The following TFIP11 variants were observed in gnomAD, a reference collection of about 807,000 sequenced individuals.
The protein encoded by TFIP11 is tuftelin interacting protein 11.
In TFIP11, 86 loss-of-function variants were observed where a neutral mutation model predicts 96.8. The ratio of observed to expected loss-of-function variants is 0.89; its 90% CI spans 0.75 to 1.06. The LOEUF (loss-of-function observed/expected upper bound fraction) is 1.06, where lower values mean the gene tolerates loss of function less well. Among genes scored for constraint, TFIP11 ranks in the 50% least tolerant of loss-of-function variants. The pLI is 0.00. For missense variants in TFIP11, 881 were observed against 1,076.7 expected, an observed-to-expected ratio of 0.82 and a Z score of 2.54; for synonymous variants, 405 against 395.2, an observed-to-expected ratio of 1.02 and a Z score of -0.29.
In TFIP11 at chr22:26,510,136, T is replaced by C. The variant is rs1203991410; in HGVS notation, c.137A>G (p.Lys46Arg). 1.2e-6 allele frequency: 2 copies of C among 1,614,198 alleles called. No homozygotes were observed. The highest frequency in any genetic ancestry group is 2.2e-5 in the South Asian group (2 of 91,078). Residue 46 changes from lysine (K) to arginine (R), a missense_variant, in exon 4 of 15, where the codon AAG becomes AGG. Transcript: ENST00000407690. The stretch of plus-strand genomic sequence containing the variant: ...CCACACCCCGTAGGTGGCTTCTTCC[T>C]TGGTCTGCCAGTGGCGCTGTCGGTT... ...NPNRQRHWQT[K>R]EEATYGVWAE...
Position 26,503,687 on chromosome 22 carries a change from G to C in TFIP11, c.627C>G (p.Asp209Glu). 6.2e-7 allele frequency: 1 copy of C among 1,614,102 alleles called. No individual in the cohort carries two copies. Among genetic ancestry groups the C allele is most frequent in the Non-Finnish European group, 8.5e-7 (1 of 1,180,038 alleles). The change falls in exon 7 of 15, where the codon GAC becomes GAG. Residue 209 changes from aspartate to glutamate, a missense_variant. Physicochemically the swap from Asp to Glu is conservative, Grantham distance 45. Transcript: ENST00000407690. ...TQSMQDFPVV[D>E]SEEEAEEEFQ... Reference sequence around the variant, plus strand: ...TTACCTCTTCAGCTTCTTCCTCTGAGTCAACCACAGGGAAGTCTTGCATGG... The same window carrying C: ...TTACCTCTTCAGCTTCTTCCTCTGACTCAACCACAGGGAAGTCTTGCATGG...
chr22:26,491,281 CATG>C lies in TFIP11; in HGVS notation c.*729_*731del, dbSNP rs141957775. 2.4e-3 allele frequency: 1,701 copies of C among 707,700 alleles called. 20 individuals are homozygous for C. The African/African-American group carries it at 0.027, about 11-fold the overall frequency. 43.8% of individuals were successfully genotyped at this position (707,700 alleles called of 1,614,324 possible). A position where few individuals can be genotyped will look rare whatever the true frequency, so the allele number is the denominator to read the frequency against. ...TTCCTTTATTCTTAGTATCACAGTC[CATG>C]ATATCCACTGTCCTTGGGGCGCCCA... On this transcript the variant is annotated 3_prime_UTR_variant, in exon 15 of 15. Transcript: ENST00000407690.
At chr22:26,494,613 G>T in intron 13 of TFIP11, 184 bp downstream of exon 13, 1 of 897,658 alleles carries the variant, frequency 1.1e-6, no homozygotes, top group Non-Finnish European at 1.7e-6. Context: ...GCTTGGAACA[G>T]CTTCTGATAC....
intron 12 of TFIP11, among the ~76,000 whole-genome samples, chr22:26,495,176 G>T (rs1418021179): frequency 6.6e-6 from 1 of 150,490 alleles, no homozygotes; most frequent in African/African-American, 2.4e-5. Context: ...TGCCCAGGCT[G>T]GTCTCAAACT....
chr22:26,509,469 A>T (rs1038993464), intron 4 of TFIP11, among the ~76,000 whole-genome samples: 3 of 152,172 alleles, frequency 2.0e-5, no homozygotes, highest in Non-Finnish European at 2.9e-5. Context: ...GTTAATGCCT[A>T]TTTCCATCTT....
chr22:26,505,844 G>A (rs958366205), intron 6 of TFIP11: 2 of 152,970 alleles, frequency 1.3e-5, no homozygotes, highest in African/African-American at 4.8e-5. Flanking sequence ...CTGAGTAGCT[G>A]GGATTACAGG....
Position 26,496,321 on chromosome 22 carries a change from G to A in TFIP11, c.1606-5C>T, listed in dbSNP as rs374985859. The A allele has an allele frequency of 3.7e-5, 59 of 1,589,002 alleles. No individual in the cohort carries two copies. Among genetic ancestry groups the A allele is most frequent in the Admixed American group, 5.1e-5 (3 of 58,942 alleles). On this transcript the variant is annotated splice_region_variant and splice_polypyrimidine_tract_variant and intron_variant, in intron 11 of 14. Coordinates refer to ENST00000407690, the MANE Select transcript of TFIP11 (RefSeq NM_012143.4). ...GAGCGGGTTCCAGTTTTCCACCTGCGAAGTGGGGAGGAGAAACAGTTCATG... is the reference window on the plus strand; with the variant it reads ...GAGCGGGTTCCAGTTTTCCACCTGCAAAGTGGGGAGGAGAAACAGTTCATG...
At chr22:26,493,945 T>C (rs1476156161) in intron 14 of TFIP11, 194 bp downstream of exon 14, 5 of 584,246 alleles carry the variant, frequency 8.6e-6, no homozygotes, top group Non-Finnish European at 1.5e-5. Context: ...CTCTCAGTCA[T>C]GGTAGACCTG....
Position 26,499,179 on chromosome 22 carries a change from G to A in TFIP11, c.1254C>T (p.Ser418=), listed in dbSNP as rs759757479. The A allele has an allele frequency of 1.9e-5, 31 of 1,610,646 alleles. No individual in the cohort carries two copies. The highest frequency in any genetic ancestry group is 5.0e-5 in the Admixed American group (3 of 59,824). The change falls in exon 9 of 15, where the codon TCC becomes TCT. Residue 418 remains serine, a synonymous_variant. Coordinates refer to ENST00000407690, the MANE Select transcript of TFIP11 (RefSeq NM_012143.4). ...TGGCCACAGCAAGGTCCACACGGTC[G>A]GACATCCTGTACTCCTCATAGTACT... ...QDKYYEEYRM[S]DRVDLAVAIV... is the part of the protein sequence containing the mutation.
chr22:26,496,037 C>A, intron 12 of TFIP11, 36 bp downstream of exon 12: 1 of 1,601,730 alleles, frequency 6.2e-7, no homozygotes. Context: ...GGCACCAAAG[C>A]TGCTGGGCTT....
In TFIP11 at chr22:26,496,196, T is replaced by C. The variant is rs1325259038; in HGVS notation, c.1726A>G (p.Ser576Gly). 3.1e-6 allele frequency: 5 copies of C among 1,613,942 alleles called. No individual in the cohort carries two copies. The highest frequency in any genetic ancestry group is 1.3e-5 in the African/African-American group (1 of 75,014). The stretch of plus-strand genomic sequence containing the variant: ...CTGGGGTGCCACTTCTGCAGGGCGC[T>C]GGACAGCTTACTACGGATGGGGGAA... ...LYSPIRSKLS[S>G]ALQKWHPSDS... The change falls in exon 12 of 15, where the codon AGC becomes GGC. Residue 576 changes from serine to glycine, a missense_variant. Physicochemically the swap from Ser to Gly is moderately conservative, Grantham distance 56. Transcript: ENST00000407690.
chr22:26,502,149 T>A lies in TFIP11; in HGVS notation c.649-97A>T, dbSNP rs561547962. On this transcript the variant is annotated intron_variant, in intron 7 of 14. Transcript: ENST00000407690. Reference sequence around the variant, plus strand: ...CATTAGCAGATGTCACCATTCACTGTCTTAGATTTATTTACAAGCTCTATA... The same window carrying A: ...CATTAGCAGATGTCACCATTCACTGACTTAGATTTATTTACAAGCTCTATA... 6.3e-5 allele frequency: 93 copies of A among 1,479,366 alleles called. No homozygotes were observed. In the East Asian group the frequency reaches 1.6e-3, roughly 26 times the overall value. The allele number at this position is 1,479,366 out of a possible 1,614,324, so 91.6% of individuals were successfully genotyped here. A position where few individuals can be genotyped will look rare whatever the true frequency, so the allele number is the denominator to read the frequency against.
At position 26,491,488 on chromosome 22, in the gene TFIP11, A is replaced by C; in HGVS notation, c.*525T>G. ...ATTTTAAAAGGACTGGAGGAGCTTG[A>C]GTTTCCTCAGACTTCACAATACATG... On this transcript the variant is annotated 3_prime_UTR_variant, in exon 15 of 15. Coordinates refer to ENST00000407690, the MANE Select transcript of TFIP11 (RefSeq NM_012143.4). The C allele has an allele frequency of 1.9e-6, 3 of 1,613,532 alleles. No individual in the cohort carries two copies. Among genetic ancestry groups the C allele is most frequent in the Non-Finnish European group, 2.5e-6 (3 of 1,179,942 alleles).
Position 26,496,455 on chromosome 22 carries a change from C to G in TFIP11, c.1606-139G>C, listed in dbSNP as rs1602201796. The G allele has an allele frequency of 2.1e-5, 25 of 1,181,604 alleles. No homozygotes were observed. In the East Asian group the frequency reaches 6.3e-4, roughly 30 times the overall value. 73.2% of individuals were successfully genotyped at this position (1,181,604 alleles called of 1,614,324 possible). A position where few individuals can be genotyped will look rare whatever the true frequency, so the allele number is the denominator to read the frequency against. ...CCACAGTCCTTTGTACATTGCCAAA[C>G]AAATATGCCCATCCATTTGATTACA... On this transcript the variant is annotated intron_variant, in intron 11 of 14. Transcript: ENST00000407690.
chr22:26,494,522 C>T, intron 13 of TFIP11: 1 of 705,690 alleles, frequency 1.4e-6, no homozygotes, highest in Non-Finnish European at 2.3e-6. Flanking sequence ...TGAGCCTCAG[C>T]TTCCATGTCT....
chr22:26,491,704 G>A lies in TFIP11; in HGVS notation c.*309C>T, dbSNP rs778865452. 2 of 1,581,388 alleles carry A rather than the reference G, an allele frequency of 1.3e-6. No homozygotes were observed. The highest frequency in any genetic ancestry group is 2.2e-5 in the South Asian group (2 of 90,172). On this transcript the variant is annotated 3_prime_UTR_variant, in exon 15 of 15. Transcript: ENST00000407690. ...TGTGAGGTACTCAGTGTTGGCTGAG[G>A]TAGAAGCTGCCACCAGAGACTAAAG... is the stretch of plus-strand genomic sequence containing the variant.
At position 26,494,884 on chromosome 22, in the gene TFIP11, G is replaced by C; in HGVS notation, c.1905C>G (p.Phe635Leu). The change falls in exon 13 of 15, where the codon TTC (phenylalanine) becomes TTG (leucine). Residue 635 changes from phenylalanine (F) to leucine (L), a missense_variant. By Grantham distance (22) the Phe-to-Leu change is conservative. Transcript: ENST00000407690. ...TCCCTTCCCAGTCAATCACCCAATAGAATGCATCCATGTGCTGCTGGTGGG... is the reference window on the plus strand; with the variant it reads ...TCCCTTCCCAGTCAATCACCCAATACAATGCATCCATGTGCTGCTGGTGGG... ...INPHQQHMDA[F>L]YWVIDWEGMI... 6.2e-7 allele frequency: 1 copy of C among 1,614,184 alleles called. No individual in the cohort carries two copies. The highest frequency in any genetic ancestry group is 8.5e-7 in the Non-Finnish European group (1 of 1,180,028).
rs1423834251 is a variant in TFIP11 at position 26,499,621 on chromosome 22, A to G, written c.812T>C (p.Met271Thr). The G allele has an allele frequency of 6.2e-7, 1 of 1,610,688 alleles. No homozygotes were observed. Among genetic ancestry groups the G allele is most frequent in the Non-Finnish European group, 8.5e-7 (1 of 1,178,676 alleles). The change falls in exon 9 of 15, where the codon ATG (methionine) becomes ACG (threonine). Residue 271 changes from methionine (M) to threonine (T), a missense_variant. By Grantham distance (81) the Met-to-Thr change is moderately conservative (BLOSUM62 -1). Coordinates refer to ENST00000407690, the MANE Select transcript of TFIP11 (RefSeq NM_012143.4). ...GTAGACCTTCTGCTCCCGGCCTGTC[A>G]TGTCTATGACCTTGGAAAACATAGA... is the stretch of plus-strand genomic sequence containing the variant. ...KELSQVKVIDMTGREQKVYYS... is the reference protein window; with the variant it reads ...KELSQVKVIDTTGREQKVYYS...
intron 9 of TFIP11, 55 bp from the exon 10 acceptor site, chr22:26,499,030 C>A: frequency 6.2e-7 from 1 of 1,610,422 alleles, no homozygotes; most frequent in Non-Finnish European, 8.5e-7. Context: ...CCTCCCTGCC[C>A]ATTGAACCAA....
Sources: allele counts gnomAD v4.1 joint callset (sites outside exome capture counted in the v4.1 genomes callset), GRCh38; gene constraint gnomAD v4.1.1; transcripts MANE v1.5; gene names NCBI Gene and HGNC (gene_info 2026-07-23, HGNC 2026-07-21).